Variants in WDR7 observed in about 807,000 individuals in gnomAD.
WDR7 encodes the protein WD repeat-containing protein 7.
Under a neutral mutation model 169.4 loss-of-function variants are expected in WDR7, and 46 were observed. The observed-to-expected ratio is 0.27, with a 90% CI of 0.21 to 0.35. WDR7 has a LOEUF of 0.35. Among genes scored for constraint, WDR7 ranks in the 10% least tolerant of loss-of-function variants. The probability of loss-of-function intolerance (pLI) is 1.00; values close to 1 mark genes in which losing one functional copy is unlikely to be tolerated. For synonymous variants in WDR7, 612 were observed against 666.8 expected (o/e 0.92, Z 1.27); for missense variants, 1,534 against 1,859.3 (o/e 0.83, Z 3.22).
intron 16 of WDR7, among the ~76,000 whole-genome samples, chr18:56,763,594 A>G (rs939867258): frequency 2.0e-5 from 3 of 152,168 alleles, no homozygotes; most frequent in East Asian, 3.9e-4. Flanking sequence ...CTGATAGGAT[A>G]ATGCTGGCCT....
At chr18:56,951,535 G>C (rs2047183293) in intron 25 of WDR7, among the ~76,000 whole-genome samples, 1 of 152,000 alleles carries the variant, frequency 6.6e-6, no homozygotes, top group African/African-American at 2.4e-5. Context: ...TTTGTGTTTA[G>C]CTTGCTTTTG....
At chr18:56,711,156 A>C (rs1047661196) in intron 12 of WDR7, among the ~76,000 whole-genome samples, 10 of 150,836 alleles carry the variant, frequency 6.6e-5, no homozygotes, top group African/African-American at 2.4e-4. Flanking sequence ...CTAATTTATT[A>C]TTTACTGTTG....
chr18:56,802,835 T>C (rs2044701546), intron 19 of WDR7, among the ~76,000 whole-genome samples: 1 of 152,146 alleles, frequency 6.6e-6, no homozygotes, highest in Non-Finnish European at 1.5e-5. Context: ...TTAGTTTTTC[T>C]TTTATGACTC....
intron 26 of WDR7, among the ~76,000 whole-genome samples, chr18:57,012,360 G>C (rs1021307529): frequency 6.6e-6 from 1 of 152,160 alleles, no homozygotes; most frequent in Non-Finnish European, 1.5e-5. Flanking sequence ...GACCAGGACA[G>C]CACCAGGATA....
At chr18:56,810,038 C>T (rs1363989191) in intron 19 of WDR7, among the ~76,000 whole-genome samples, 1 of 152,042 alleles carries the variant, frequency 6.6e-6, no homozygotes, top group African/African-American at 2.4e-5. Flanking sequence ...ACATAAGGTC[C>T]TGATAGAACT....
At chr18:56,893,009 C>T (rs1221389686) in intron 21 of WDR7, among the ~76,000 whole-genome samples, 1 of 151,866 alleles carries the variant, frequency 6.6e-6, no homozygotes, top group East Asian at 1.9e-4. Context: ...AGTATGAAGG[C>T]TTTATAATAA....
intron 12 of WDR7, among the ~76,000 whole-genome samples, chr18:56,703,828 A>G (rs1368425016): frequency 3.3e-5 from 5 of 152,110 alleles, no homozygotes; most frequent in African/African-American, 9.6e-5. Flanking sequence ...CCTGTTATCA[A>G]CGGTGGGAAT....
At chr18:56,913,786 C>A (rs2046585397) in intron 21 of WDR7, among the ~76,000 whole-genome samples, 1 of 147,920 alleles carries the variant, frequency 6.8e-6, no homozygotes, top group Non-Finnish European at 1.5e-5. Context: ...CAGAGTGAGA[C>A]CCTGTTTCAA....
chr18:56,728,267 G>C (rs1223400901), intron 13 of WDR7, among the ~76,000 whole-genome samples: 2 of 152,178 alleles, frequency 1.3e-5, no homozygotes, highest in Non-Finnish European at 2.9e-5. Flanking sequence ...TTTGTGAAAA[G>C]ATACTTTGAA....
intron 21 of WDR7, among the ~76,000 whole-genome samples, chr18:56,900,116 G>T (rs1176036674): frequency 7.2e-6 from 1 of 139,598 alleles, no homozygotes; most frequent in South Asian, 2.1e-4. Flanking sequence ...ATATAAAATT[G>T]TTAATGGCAT....
chr18:56,986,173 T>C (rs1180711925), intron 26 of WDR7, among the ~76,000 whole-genome samples: 1 of 149,010 alleles, frequency 6.7e-6, no homozygotes, highest in Non-Finnish European at 1.5e-5. Flanking sequence ...TGTGTGTGTG[T>C]GTGTGTATAC....
chr18:56,843,857 C>CTTTTTTTTTTTTTTTTTTTTT (rs776575088), intron 20 of WDR7, among the ~76,000 whole-genome samples: 4 of 134,330 alleles, frequency 3.0e-5, no homozygotes, highest in Admixed American at 7.4e-5. Flanking sequence ...TTTTTTCTTT[C>CTTTTTTTTTTTTTTTTTTTTT]TTTTTTTTTT....
At chr18:56,679,576 A>G (rs780884548) in intron 3 of WDR7, 138 bp downstream of exon 3, 56 of 475,734 alleles carry the variant, frequency 1.2e-4, no homozygotes, top group Non-Finnish European at 1.8e-4. Flanking sequence ...ATCTAAATGT[A>G]GATATTTAAA....
chr18:56,691,070 G>C, intron 7 of WDR7, 146 bp from the exon 8 acceptor site: 3 of 1,113,542 alleles, frequency 2.7e-6, no homozygotes, highest in Non-Finnish European at 3.8e-6. Context: ...CTCTCCCAGG[G>C]CTTATTGACA....
chr18:56,916,267 C>T (rs972360232), intron 21 of WDR7, among the ~76,000 whole-genome samples: 1 of 151,744 alleles, frequency 6.6e-6, no homozygotes, highest in African/African-American at 2.4e-5. Context: ...TCCCTCCCCC[C>T]TCCCGCCACC....
intron 26 of WDR7, among the ~76,000 whole-genome samples, chr18:56,969,907 G>A (rs1259530540): frequency 1.3e-5 from 2 of 152,128 alleles, no homozygotes; most frequent in South Asian, 2.1e-4. Context: ...GTGTGGTTGC[G>A]TAGTTAATAG....
chr18:57,025,205 C>A (rs2048350388), intron 27 of WDR7, among the ~76,000 whole-genome samples: 1 of 152,138 alleles, frequency 6.6e-6, no homozygotes, highest in Non-Finnish European at 1.5e-5. Context: ...AGAAGTCAAG[C>A]TTCATACATA....
intron 12 of WDR7, among the ~76,000 whole-genome samples, chr18:56,697,180 G>A (rs535403491): frequency 2.0e-5 from 3 of 152,066 alleles, no homozygotes; most frequent in East Asian, 1.9e-4. Context: ...TAGAGACATC[G>A]TCTTCTTGTA....
At chr18:56,808,253 C>T (rs1373771844) in intron 19 of WDR7, among the ~76,000 whole-genome samples, 1 of 152,180 alleles carries the variant, frequency 6.6e-6, no homozygotes, top group East Asian at 1.9e-4. Context: ...TGTAGATACT[C>T]ACATACTCCC....
Sources: allele counts gnomAD v4.1 joint callset (sites outside exome capture counted in the v4.1 genomes callset), GRCh38; gene constraint gnomAD v4.1.1; transcripts MANE v1.5; gene names NCBI Gene and HGNC (gene_info 2026-07-23, HGNC 2026-07-21).